Variants in ADK observed in about 807,000 individuals in gnomAD.
ADK encodes adenosine kinase, also known as N6,N6-dimethyladenosine kinase.
ADK carries 24 observed loss-of-function variants against 44.7 expected under a neutral mutation model. The observed-to-expected ratio is 0.54, with a 90% CI of 0.39 to 0.76. The LOEUF (loss-of-function observed/expected upper bound fraction) is 0.76, where lower values mean the gene tolerates loss of function less well. Ranked by LOEUF, ADK falls within the 30% of genes least tolerant of loss-of-function variation. ADK has a pLI of 0.00. For synonymous variants in ADK, 128 were observed against 142.6 expected, an observed-to-expected ratio of 0.90 and a Z score of 0.73; for missense variants, 321 against 425.1, an observed-to-expected ratio of 0.76 and a Z score of 2.15.
At chr10:74,300,350 C>CCTTCCTTCCTTT (rs1443882750) in intron 3 of ADK, among the ~76,000 whole-genome samples, 1 of 64,532 alleles carries the variant, frequency 1.5e-5, no homozygotes, top group East Asian at 2.9e-4. Context: ...TTCCTTCCTT[C>CCTTCCTTCCTTT]CTTCCTTCCT....
intron 2 of ADK, among the ~76,000 whole-genome samples, chr10:74,220,478 C>A (rs1362963725): frequency 6.6e-6 from 1 of 151,972 alleles, no homozygotes; most frequent in African/African-American, 2.4e-5. Context: ...TGAAACTATT[C>A]CAATCAATAG....
At chr10:74,385,215 G>C (rs1034199574) in intron 4 of ADK, among the ~76,000 whole-genome samples, 4 of 152,168 alleles carry the variant, frequency 2.6e-5, no homozygotes, top group Non-Finnish European at 4.4e-5. Flanking sequence ...GACTTTTATA[G>C]TAGTCTAATT....
chr10:74,664,806 C>CA (rs572452863), intron 9 of ADK, among the ~76,000 whole-genome samples: 156 of 152,272 alleles, frequency 1.0e-3, no homozygotes, highest in South Asian at 2.3e-3. Flanking sequence ...CGCACCACTG[C>CA]ACTCCAGCCT....
In ADK at chr10:74,554,277, C is replaced by G. The variant is rs371210687; in HGVS notation, c.726+28851C>G. 2.0e-5 allele frequency among the ~76,000 whole-genome samples: 3 copies of G among 151,994 alleles called. No homozygotes were observed. The East Asian group carries it at 5.8e-4, about 29-fold the overall frequency. ...AACATATGTGTATTACAAAGTATAT[C>G]CTCTGCCTCCCTCCTCATTTGAAGA... On this transcript the variant is annotated intron_variant, in intron 7 of 10. Transcript: ENST00000539909.
intron 2 of ADK, among the ~76,000 whole-genome samples, chr10:74,202,571 A>G (rs775391784): frequency 2.0e-5 from 3 of 152,210 alleles, no homozygotes; most frequent in Non-Finnish European, 4.4e-5. Flanking sequence ...ACTGTTTTGC[A>G]TTCCTACCGG....
chr10:74,503,266 A>G (rs1847941273), intron 6 of ADK, among the ~76,000 whole-genome samples: 1 of 152,232 alleles, frequency 6.6e-6, no homozygotes, highest in Non-Finnish European at 1.5e-5. Context: ...TACAGAGTGA[A>G]TAAATATCAC....
chr10:74,303,585 GTTGTTTTTTTTTTTTTT>G (rs1205260115), intron 3 of ADK, among the ~76,000 whole-genome samples: 2 of 64,676 alleles, frequency 3.1e-5, no homozygotes, highest in African/African-American at 2.0e-4. Context: ...TGGTTTTAAT[GTTGTTTTTTTTTTTTTT>G]TTTTTTTTTT....
chr10:74,222,262 G>T (rs989793811), intron 2 of ADK, among the ~76,000 whole-genome samples: 16 of 152,142 alleles, frequency 1.1e-4, no homozygotes, highest in Non-Finnish European at 2.4e-4. Context: ...ATGAAAAAAT[G>T]CTCACCATCA....
At chr10:74,218,847 C>T (rs1844171699) in intron 2 of ADK, among the ~76,000 whole-genome samples, 1 of 152,084 alleles carries the variant, frequency 6.6e-6, no homozygotes, top group African/African-American at 2.4e-5. Context: ...CAGGCCTGCC[C>T]TAAAAGAGCT....
At chr10:74,586,786 G>A (rs1219301259) in intron 7 of ADK, among the ~76,000 whole-genome samples, 5 of 151,380 alleles carry the variant, frequency 3.3e-5, no homozygotes, top group South Asian at 4.2e-4. Context: ...CCCAGGAGGC[G>A]GAGGTTGCAA....
intron 3 of ADK, among the ~76,000 whole-genome samples, chr10:74,271,645 G>C (rs1338502351): frequency 7.5e-6 from 1 of 134,216 alleles, no homozygotes; most frequent in East Asian, 2.2e-4. Flanking sequence ...TCCCATCTAT[G>C]AGTGAGAACA....
intron 9 of ADK, among the ~76,000 whole-genome samples, chr10:74,631,827 G>A (rs1455013271): frequency 6.6e-6 from 1 of 152,070 alleles, no homozygotes; most frequent in African/African-American, 2.4e-5. Context: ...TAAAAGAAGT[G>A]TCACTTCCCT....
At chr10:74,640,040 T>C (rs943688110) in intron 9 of ADK, among the ~76,000 whole-genome samples, 1 of 152,218 alleles carries the variant, frequency 6.6e-6, no homozygotes, top group Admixed American at 6.5e-5. Flanking sequence ...AACCCTAAAG[T>C]AGCATAGACT....
chr10:74,353,478 G>C (rs1842034137), intron 4 of ADK, among the ~76,000 whole-genome samples: 1 of 151,084 alleles, frequency 6.6e-6, no homozygotes, highest in Non-Finnish European at 1.5e-5. Context: ...AAACTTAGAT[G>C]ATGGGTTGAT....
At chr10:74,521,634 A>G (rs1159274865) in intron 6 of ADK, among the ~76,000 whole-genome samples, 1 of 152,176 alleles carries the variant, frequency 6.6e-6, no homozygotes. Flanking sequence ...GGAGAAATAG[A>G]GGGGGAAAGC....
chr10:74,216,530 G>A (rs1844029645), intron 2 of ADK, among the ~76,000 whole-genome samples: 1 of 151,910 alleles, frequency 6.6e-6, no homozygotes, highest in Non-Finnish European at 1.5e-5. Flanking sequence ...TTGGTGACCA[G>A]CCTGGCCAAC....
At chr10:74,480,834 T>C (rs1847044982) in intron 6 of ADK, among the ~76,000 whole-genome samples, 1 of 152,220 alleles carries the variant, frequency 6.6e-6, no homozygotes, top group African/African-American at 2.4e-5. Context: ...CTTTTAAATG[T>C]GTAGATTTAA....
rs1173271894 is a variant in ADK, at chr10:74,475,634, G to A, written c.556-49622G>A. Among the ~76,000 whole-genome samples the A allele has an allele frequency of 5.3e-5, 8 of 152,104 alleles. No homozygotes were observed. The South Asian group carries it at 1.0e-3, about 20-fold the overall frequency. ...AGGCAGGAGAATTGCATGAGCCCAGGAGGTTGAGCCTGTGTGAGCCATGAT... is the reference window on the plus strand; with the variant it reads ...AGGCAGGAGAATTGCATGAGCCCAGAAGGTTGAGCCTGTGTGAGCCATGAT... On this transcript the variant is annotated intron_variant, in intron 6 of 10. Transcript: ENST00000539909.
chr10:74,503,163 C>T (rs539938592), intron 6 of ADK, among the ~76,000 whole-genome samples: 1 of 152,244 alleles, frequency 6.6e-6, no homozygotes, highest in African/African-American at 2.4e-5. Flanking sequence ...TACCATGTGG[C>T]CTGCAAACCT....
Sources: allele counts gnomAD v4.1 joint callset (sites outside exome capture counted in the v4.1 genomes callset), GRCh38; gene constraint gnomAD v4.1.1; transcripts MANE v1.5; gene names NCBI Gene and HGNC (gene_info 2026-07-23, HGNC 2026-07-21).